The following SETBP1 variants were observed in gnomAD, a reference collection of about 807,000 sequenced individuals.
SETBP1 encodes SET-binding protein.
Under a neutral mutation model 101.0 loss-of-function variants are expected in SETBP1, and 9 were observed. The observed-to-expected ratio is 0.09, with a 90% CI of 0.05 to 0.16. SETBP1 has a LOEUF of 0.16. Ranked by LOEUF, SETBP1 falls within the 10% of genes least tolerant of loss-of-function variation. The pLI is 1.00. For synonymous variants in SETBP1, 818 were observed against 788.5 expected, an observed-to-expected ratio of 1.04 and a Z score of -0.63; for missense variants, 1,858 against 2,033.8, an observed-to-expected ratio of 0.91 and a Z score of 1.66.
chr18:44,692,585 G>A (rs1045123376), intron 1 of SETBP1, among the ~76,000 whole-genome samples: 1 of 152,160 alleles, frequency 6.6e-6, no homozygotes, highest in Non-Finnish European at 1.5e-5. Context: ...GGGAGAGAGA[G>A]GCAGGTAATT....
intron 2 of SETBP1, among the ~76,000 whole-genome samples, chr18:44,866,235 T>C (rs946887212): frequency 1.3e-5 from 2 of 152,174 alleles, no homozygotes; most frequent in East Asian, 1.9e-4. Context: ...AGTGCCTGAG[T>C]TGATTAATTC....
intron 2 of SETBP1, among the ~76,000 whole-genome samples, chr18:44,834,529 G>A (rs2072452298): frequency 6.6e-6 from 1 of 152,194 alleles, no homozygotes; most frequent in African/African-American, 2.4e-5. Flanking sequence ...TAATCCCAGA[G>A]ATGATTTGTG....
chr18:45,019,047 A>G (rs2073005831), intron 4 of SETBP1, among the ~76,000 whole-genome samples: 1 of 152,176 alleles, frequency 6.6e-6, no homozygotes, highest in Non-Finnish European at 1.5e-5. Flanking sequence ...CATGTCTTCA[A>G]TAACAGACAA....
intron 4 of SETBP1, among the ~76,000 whole-genome samples, chr18:44,954,307 C>T (rs2071433536): frequency 8.0e-6 from 1 of 124,224 alleles, no homozygotes; most frequent in Non-Finnish European, 1.6e-5. Context: ...GTAGAAACTT[C>T]TTACCTAGGA....
chr18:44,804,709 CACAA>C (rs975814489), intron 2 of SETBP1, among the ~76,000 whole-genome samples: 24 of 152,146 alleles, frequency 1.6e-4, no homozygotes, highest in African/African-American at 4.8e-4. Flanking sequence ...GCCCCAAGCA[CACAA>C]ACAGAGAACT....
At chr18:44,997,267 G>A (rs1461632069) in intron 4 of SETBP1, among the ~76,000 whole-genome samples, 5 of 152,108 alleles carry the variant, frequency 3.3e-5, no homozygotes, top group African/African-American at 1.2e-4. Context: ...TGTCAGGATG[G>A]CCTTAGGCCT....
At chr18:44,724,319 G>A (rs895877173) in intron 2 of SETBP1, among the ~76,000 whole-genome samples, 16 of 152,048 alleles carry the variant, frequency 1.1e-4, no homozygotes, top group Admixed American at 6.5e-4. Flanking sequence ...CTGCTCTAGC[G>A]GACATGATTT....
In SETBP1 at chr18:44,983,183, A is replaced by G. The variant is rs193002359; in HGVS notation, c.4000+29843A>G. On this transcript the variant is annotated intron_variant, in intron 4 of 5. Coordinates refer to ENST00000649279, the MANE Select transcript of SETBP1 (RefSeq NM_015559.3). Reference sequence around the variant, plus strand: ...CATGAACAGAAGCATTTTAGTTTATAGAATCATAGAGTTGGAGGCATTTCT... The same window carrying G: ...CATGAACAGAAGCATTTTAGTTTATGGAATCATAGAGTTGGAGGCATTTCT... Among the ~76,000 whole-genome samples, 15 of 152,304 alleles carry G rather than the reference A, an allele frequency of 9.8e-5. 1 individual carries two copies. The East Asian group carries it at 2.7e-3, about 27-fold the overall frequency.
intron 5 of SETBP1, among the ~76,000 whole-genome samples, chr18:45,042,224 A>G (rs1011658502): frequency 7.2e-6 from 1 of 138,860 alleles, no homozygotes; most frequent in African/African-American, 2.7e-5. Flanking sequence ...ATCTTGGCTC[A>G]CTGCAACCTC....
chr18:45,036,010 T>C (rs1054586087), intron 4 of SETBP1, among the ~76,000 whole-genome samples: 5 of 152,182 alleles, frequency 3.3e-5, no homozygotes, highest in African/African-American at 1.2e-4. Context: ...AATACATATT[T>C]GTGGGTTTTT....
chr18:44,880,690 A>G (rs2069510735), intron 3 of SETBP1, among the ~76,000 whole-genome samples: 1 of 152,194 alleles, frequency 6.6e-6, no homozygotes, highest in Non-Finnish European at 1.5e-5. Context: ...ACATGGCCAG[A>G]GCAGGAGCAA....
intron 2 of SETBP1, among the ~76,000 whole-genome samples, chr18:44,808,580 C>T (rs940767439): frequency 3.3e-5 from 5 of 152,120 alleles, no homozygotes; most frequent in Admixed American, 1.3e-4. Flanking sequence ...GACAGAAAAG[C>T]GGTCAGGACC....
At chr18:44,788,187 C>T (rs532323874) in intron 2 of SETBP1, among the ~76,000 whole-genome samples, 6 of 151,942 alleles carry the variant, frequency 3.9e-5, no homozygotes, top group South Asian at 4.2e-4. Context: ...TCCTGATGGT[C>T]GTAAGAAATG....
At chr18:44,852,606 C>T (rs2072895307) in intron 2 of SETBP1, among the ~76,000 whole-genome samples, 1 of 152,142 alleles carries the variant, frequency 6.6e-6, no homozygotes, top group African/African-American at 2.4e-5. Context: ...ACATTCATGG[C>T]CTCCATCCCA....
chr18:45,012,701 T>C (rs79857479), intron 4 of SETBP1, among the ~76,000 whole-genome samples: 6,455 of 152,252 alleles, frequency 0.042, 456 homozygotes, highest in African/African-American at 0.15. Context: ...TAAAATCATG[T>C]CTTTTGCAGC....
At chr18:44,736,982 C>A (rs1159693236) in intron 2 of SETBP1, among the ~76,000 whole-genome samples, 2 of 152,178 alleles carry the variant, frequency 1.3e-5, no homozygotes, top group African/African-American at 4.8e-5. Flanking sequence ...CTTTTTTCCT[C>A]AGTATATCTC....
At chr18:44,733,538 A>G (rs1267736000) in intron 2 of SETBP1, among the ~76,000 whole-genome samples, 2 of 152,164 alleles carry the variant, frequency 1.3e-5, no homozygotes, top group Non-Finnish European at 2.9e-5. Context: ...AGGCCCATGC[A>G]AGTCCACATG....
chr18:44,854,966 A>G (rs1476366170), intron 2 of SETBP1, among the ~76,000 whole-genome samples: 1 of 152,100 alleles, frequency 6.6e-6, no homozygotes, highest in Non-Finnish European at 1.5e-5. Context: ...TTTGAGTACT[A>G]TTCATGTCAG....
intron 2 of SETBP1, among the ~76,000 whole-genome samples, chr18:44,826,270 C>T (rs2072235145): frequency 6.6e-6 from 1 of 152,166 alleles, no homozygotes; most frequent in South Asian, 2.1e-4. Context: ...GACCCTCTTG[C>T]CCTTTCACCC....
Sources: gnomAD v4.1 joint callset for allele counts (sites outside exome capture counted in the v4.1 genomes callset) on GRCh38, gnomAD v4.1.1 for gene constraint, MANE v1.5 for transcripts, NCBI Gene and HGNC (gene_info 2026-07-23, HGNC 2026-07-21) for gene names.